ABLIM2: variants seen among roughly 807,000 people sequenced by gnomAD.
The protein encoded by ABLIM2 is actin binding LIM protein family member 2.
A neutral mutation model predicts 97.7 loss-of-function variants in ABLIM2; 53 were observed. The observed-to-expected ratio is 0.54, with a 90% CI of 0.44 to 0.68. The LOEUF is 0.68. Among genes scored for constraint, ABLIM2 ranks in the 30% least tolerant of loss-of-function variants. ABLIM2 has a pLI of 0.00. For missense variants in ABLIM2, 835 were observed against 867.2 expected (o/e 0.96, Z 0.47); for synonymous variants, 361 against 345.8 (o/e 1.04, Z -0.49).
rs1417649150 is a variant in ABLIM2, at chr4:8,003,635, G to A, written c.1618+4424C>T. 6.8e-6 allele frequency among the ~76,000 whole-genome samples: 1 copy of A among 147,238 alleles called. No homozygotes were observed. The highest frequency in any genetic ancestry group is 1.5e-5 in the Non-Finnish European group (1 of 67,530). On this transcript the variant is annotated intron_variant, in intron 16 of 20. Coordinates refer to ENST00000447017, the MANE Select transcript of ABLIM2 (RefSeq NM_001130083.2). This position sits in a 1 kb window ranked among gnomAD's most constrained non-coding sequence, Gnocchi z 4.2. ...GGCTGGAGTGCAATGGTGCAATCTC[G>A]GCTTACTGCAACCTCTGCCTCCTGG...
chr4:8,116,977 G>T (rs1578190826), intron 1 of ABLIM2, among the ~76,000 whole-genome samples: 1 of 152,194 alleles, frequency 6.6e-6, no homozygotes, highest in Admixed American at 6.5e-5. Flanking sequence ...TAGACAGTAG[G>T]AGAGGGGACT....
intron 2 of ABLIM2, among the ~76,000 whole-genome samples, chr4:8,103,497 C>G (rs1455814221): frequency 1.3e-5 from 2 of 152,236 alleles, no homozygotes; most frequent in Non-Finnish European, 1.5e-5. Flanking sequence ...GGCACAGGTG[C>G]CTGGCACAGA....
chr4:8,031,419 C>T (rs757637434), intron 10 of ABLIM2, among the ~76,000 whole-genome samples: 3 of 152,198 alleles, frequency 2.0e-5, no homozygotes, highest in Non-Finnish European at 4.4e-5. Flanking sequence ...TGAAAAGATG[C>T]CCGGCCCCAG....
In ABLIM2 at chr4:8,087,811, G is replaced by A. The variant is rs987218549; in HGVS notation, c.454+358C>T. 2.6e-5 allele frequency among the ~76,000 whole-genome samples: 4 copies of A among 152,052 alleles called. No homozygotes were observed. The highest frequency in any genetic ancestry group is 2.1e-4 in the South Asian group (1 of 4,828). ...GAAAGCAGGAGTGGCACATGGGGTG[G>A]AGGAAACAGCCAGTGCAAAGACTTG... On this transcript the variant is annotated intron_variant, in intron 4 of 20. Transcript: ENST00000447017. The surrounding 1 kb of genome is among the most constrained non-coding windows in gnomAD (Gnocchi z 4.6).
chr4:8,111,124 G>C (rs11733210), intron 1 of ABLIM2, among the ~76,000 whole-genome samples: 3,264 of 152,302 alleles, frequency 0.021, 57 homozygotes, highest in South Asian at 0.036. Context: ...ATGGATAAAC[G>C]AGCTGGGGTG....
rs1345127733 is a variant in ABLIM2, at chr4:8,113,937, G to A, written c.11-7300C>T. 6.6e-6 allele frequency among the ~76,000 whole-genome samples: 1 copy of A among 151,668 alleles called. No homozygotes were observed. The highest frequency in any genetic ancestry group is 6.6e-5 in the Admixed American group (1 of 15,228). On this transcript the variant is annotated intron_variant, in intron 1 of 20. Transcript: ENST00000447017. This position sits in a 1 kb window ranked among gnomAD's most constrained non-coding sequence, Gnocchi z 4.5. ...ACAGGGCTGTGTGCAGGCACAGCAG[G>A]GAGATGAACCTGTGTACAATCAGGG...
At chr4:7,989,032 T>C (rs1746578219) in intron 17 of ABLIM2, among the ~76,000 whole-genome samples, 1 of 151,972 alleles carries the variant, frequency 6.6e-6, no homozygotes, top group Admixed American at 6.6e-5. Flanking sequence ...ATTTAATTTT[T>C]CTGTGTACAT....
In ABLIM2 at chr4:8,120,606, A is replaced by G. The variant is rs772650819; in HGVS notation, c.11-13969T>C. Among the ~76,000 whole-genome samples, 1 of 152,120 alleles carries G rather than the reference A, an allele frequency of 6.6e-6. No homozygotes were observed. The highest frequency in any genetic ancestry group is 1.5e-5 in the Non-Finnish European group (1 of 68,024). The stretch of plus-strand genomic sequence containing the variant: ...CCTTGATCTGGGACTTCTGGCCTCC[A>G]GAACTGTGGGAGGATGCACATCTGC... On this transcript the variant is annotated intron_variant, in intron 1 of 20. Coordinates refer to ENST00000447017, the MANE Select transcript of ABLIM2 (RefSeq NM_001130083.2). This position sits in a 1 kb window ranked among gnomAD's most constrained non-coding sequence, Gnocchi z 5.6.
intron 20 of ABLIM2, among the ~76,000 whole-genome samples, chr4:7,976,230 A>G (rs1428644496): frequency 1.3e-5 from 2 of 152,184 alleles, no homozygotes; most frequent in Non-Finnish European, 2.9e-5. Context: ...CACAGCCTGC[A>G]GCGACACCTG....
At position 8,071,693 on chromosome 4, in the gene ABLIM2, A is replaced by AG; in HGVS notation, c.675+5934_675+5935insC. On this transcript the variant is annotated intron_variant, in intron 6 of 20. Transcript: ENST00000447017. This position sits in a 1 kb window ranked among gnomAD's most constrained non-coding sequence, Gnocchi z 6.2. ...ACACCTGACTGCTCTGTCCCCAAAA[A>AG]CCCACCCACCCGCAGCCCCTCCTGG... The AG allele has an allele frequency of 1.8e-4, 149 of 819,752 alleles. No homozygotes were observed. Among genetic ancestry groups the AG allele is most frequent in the Non-Finnish European group, 2.1e-4 (142 of 679,220 alleles). The allele number at this position is 819,752 out of a possible 1,614,324, so 50.8% of individuals were successfully genotyped here. A position where few individuals can be genotyped will look rare whatever the true frequency, so the allele number is the denominator to read the frequency against.
intron 7 of ABLIM2, among the ~76,000 whole-genome samples, chr4:8,059,510 C>G (rs1441673343): frequency 1.3e-5 from 2 of 152,024 alleles, no homozygotes; most frequent in African/African-American, 4.8e-5. Context: ...CTAAGGTGCC[C>G]CCTGTCCCCC....
chr4:8,040,490 A>G (rs963801691), intron 9 of ABLIM2, among the ~76,000 whole-genome samples: 3 of 152,120 alleles, frequency 2.0e-5, no homozygotes, highest in African/African-American at 7.2e-5. Context: ...GGGCGCCTGT[A>G]ATCTCACAGA....
chr4:7,966,771 C>G lies in ABLIM2; in HGVS notation c.*219G>C. 1 of 555,446 alleles carries G rather than the reference C, an allele frequency of 1.8e-6. No homozygotes were observed. Among genetic ancestry groups the G allele is most frequent in the African/African-American group, 1.9e-5 (1 of 53,194 alleles). 34.4% of individuals were successfully genotyped at this position (555,446 alleles called of 1,614,324 possible). ...GCCTCTCCCTGACACCAAGCCACAG[C>G]GGGGAAGGGTGGCGTGAAGCTAGCC... On this transcript the variant is annotated 3_prime_UTR_variant, in exon 21 of 21. Transcript: ENST00000447017.
rs563494589 is a variant in ABLIM2 at position 8,033,761 on chromosome 4, G to A, written c.1047+2388C>T. ...ACAGATGTCCTGCCATTTGAGAGGC[G>A]CAGCCCCAGAGAGGCTGAAAGAAAC... On this transcript the variant is annotated intron_variant, in intron 10 of 20. Transcript: ENST00000447017. The surrounding 1 kb of genome is among the most constrained non-coding windows in gnomAD (Gnocchi z 4.5). Among the ~76,000 whole-genome samples, 57 of 152,352 alleles carry A rather than the reference G, an allele frequency of 3.7e-4. No individual in the cohort carries two copies. Among genetic ancestry groups the A allele is most frequent in the Non-Finnish European group, 6.2e-4 (42 of 68,032 alleles).
At chr4:8,042,318 C>A (rs1243571480) in intron 9 of ABLIM2, among the ~76,000 whole-genome samples, 1 of 152,206 alleles carries the variant, frequency 6.6e-6, no homozygotes. Flanking sequence ...ACCTTTCCCT[C>A]ATTCTGTGCA....
rs1376640372 is a variant in ABLIM2 at position 8,148,022 on chromosome 4, A to T, written c.10+10658T>A. On this transcript the variant is annotated intron_variant, in intron 1 of 20. Transcript: ENST00000447017. This position sits in a 1 kb window ranked among gnomAD's most constrained non-coding sequence, Gnocchi z 6.7. ...AGGGCCCAGCTGCAGACCAACCCCA[A>T]ACTCTGGTGTGGTTCCCTGAGGCCC... Among the ~76,000 whole-genome samples, 1 of 152,122 alleles carries T rather than the reference A, an allele frequency of 6.6e-6. No homozygotes were observed. The highest frequency in any genetic ancestry group is 1.9e-4 in the East Asian group (1 of 5,182).
intron 1 of ABLIM2, among the ~76,000 whole-genome samples, chr4:8,145,935 T>C (rs1851737894): frequency 6.6e-6 from 1 of 152,062 alleles, no homozygotes; most frequent in African/African-American, 2.4e-5. Flanking sequence ...TGGAGTGTCC[T>C]TGAGAACTAG....
chr4:8,018,738 C>G (rs1198382143), intron 14 of ABLIM2, among the ~76,000 whole-genome samples: 1 of 152,206 alleles, frequency 6.6e-6, no homozygotes, highest in African/African-American at 2.4e-5. Context: ...TGGCTATTTG[C>G]TTTAGGTACA....
chr4:8,028,945 C>T (rs1220095919), intron 11 of ABLIM2, among the ~76,000 whole-genome samples: 2 of 152,244 alleles, frequency 1.3e-5, no homozygotes, highest in Non-Finnish European at 2.9e-5. Flanking sequence ...CAGCAGCTGG[C>T]CAGGAAGGAA....
Sources: allele counts gnomAD v4.1 joint callset (sites outside exome capture counted in the v4.1 genomes callset), GRCh38; gene constraint gnomAD v4.1.1; non-coding constraint Gnocchi (gnomAD v3.1); transcripts MANE v1.5; gene names NCBI Gene and HGNC (gene_info 2026-07-23, HGNC 2026-07-21).